Variants in MYO16 observed in about 807,000 individuals in gnomAD.
MYO16 encodes myosin XVI.
MYO16 carries 94 observed loss-of-function variants against 205.3 expected under a neutral mutation model. The observed-to-expected ratio is 0.46, with a 90% CI of 0.39 to 0.54. The LOEUF (loss-of-function observed/expected upper bound fraction) is 0.54. MYO16 is among the 20% of genes least tolerant of loss of function. MYO16 has a pLI of 0.00. For missense variants in MYO16, 2,315 were observed against 2,387.5 expected (o/e 0.97, Z 0.63); for synonymous variants, 988 against 954.0 (o/e 1.04, Z -0.66).
At chr13:108,827,926 C>T (rs530350260) in intron 9 of MYO16, among the ~76,000 whole-genome samples, 6 of 152,198 alleles carry the variant, frequency 3.9e-5, no homozygotes, top group South Asian at 2.1e-4. Context: ...TCATGGAGCC[C>T]GTGAGATAAA....
rs1013422465 is a variant in MYO16, at chr13:109,028,822, G to A, written c.2796+8911G>A. Among the ~76,000 whole-genome samples, 6 of 151,572 alleles carry A rather than the reference G, an allele frequency of 4.0e-5. 1 individual carries two copies. The highest frequency in any genetic ancestry group is 9.7e-5 in the African/African-American group (4 of 41,218). ...GTCACTGATTTCCACAGACCTTTAC[G>A]GGAATCACATCACTAAAACGTTGCT... On this transcript the variant is annotated intron_variant, in intron 23 of 34. Transcript: ENST00000457511.
chr13:108,525,727 A>G, the MYO16 span, among the ~76,000 whole-genome samples: 1 of 152,202 alleles, frequency 6.6e-6, no homozygotes, highest in African/African-American at 2.4e-5. Flanking sequence ...CATGCCAGGT[A>G]GGTGTATGAG....
At chr13:109,074,583 C>G (rs935893440) in intron 27 of MYO16, among the ~76,000 whole-genome samples, 1 of 152,092 alleles carries the variant, frequency 6.6e-6, no homozygotes, top group East Asian at 1.9e-4. Flanking sequence ...CACACTTACA[C>G]CCTTAGATCT....
Position 109,141,116 on chromosome 13 carries a change from C to G in MYO16, c.4904C>G (p.Ala1635Gly). 1 of 1,556,026 alleles carries G rather than the reference C, an allele frequency of 6.4e-7. No individual in the cohort carries two copies. ...GGGAAAGCGGGGCCGAGCGCAGAGG[C>G]GCCCAAGGTTCACCCAAAGCCAAAC... ...NAGKAGPSAE[A>G]PKVHPKPNSA... is the part of the protein sequence containing the mutation. Residue 1635 changes from alanine to glycine, a missense_variant, in exon 32 of 35, where the codon GCG (alanine) becomes GGG (glycine). Physicochemically the swap from Ala to Gly is moderately conservative, Grantham distance 60. Around this residue, in one of 3 missense-constraint regions of MYO16, gnomAD observed 1,097 missense variants for 1,092.0 expected, o/e 1.00. Transcript: ENST00000457511. The surrounding 1 kb of genome is among the most constrained non-coding windows in gnomAD (Gnocchi z 4.1).
intron 7 of MYO16, among the ~76,000 whole-genome samples, chr13:108,809,746 C>G (rs1489964963): frequency 6.6e-6 from 1 of 152,154 alleles, no homozygotes; most frequent in Non-Finnish European, 1.5e-5. Flanking sequence ...GACAAACATC[C>G]AAACTATATC....
intron 2 of MYO16, among the ~76,000 whole-genome samples, chr13:108,681,688 T>A (rs968731162): frequency 2.6e-5 from 4 of 151,470 alleles, no homozygotes; most frequent in African/African-American, 9.7e-5. Flanking sequence ...GGGGTGGGGG[T>A]GGTAAATAAA....
intron 1 of MYO16, among the ~76,000 whole-genome samples, chr13:108,604,343 T>C (rs1878874055): frequency 6.6e-6 from 1 of 152,152 alleles, no homozygotes; most frequent in South Asian, 2.1e-4. Context: ...TAACTAAATC[T>C]GAAACTTCCT....
At chr13:108,756,095 C>T (rs1417230511) in intron 4 of MYO16, among the ~76,000 whole-genome samples, 2 of 152,042 alleles carry the variant, frequency 1.3e-5, no homozygotes, top group Admixed American at 6.5e-5. Context: ...AAGGTGTTTA[C>T]ACATGAAAAT....
chr13:108,538,561 G>A, the MYO16 span, among the ~76,000 whole-genome samples: 1 of 152,000 alleles, frequency 6.6e-6, no homozygotes, highest in Non-Finnish European at 1.5e-5. Context: ...CCAAAGCTTA[G>A]CTCTGAATGG....
chr13:108,595,248 C>T (rs555746736), upstream of MYO16, among the ~76,000 whole-genome samples: 1 of 152,194 alleles, frequency 6.6e-6, no homozygotes, highest in East Asian at 1.9e-4. Flanking sequence ...TGGAAATTCA[C>T]AGTTCATATT....
intron 4 of MYO16, among the ~76,000 whole-genome samples, chr13:108,784,342 T>A (rs1886394933): frequency 6.6e-6 from 1 of 152,182 alleles, no homozygotes; most frequent in Non-Finnish European, 1.5e-5. Flanking sequence ...GTAAAACATC[T>A]GAAATATATG....
chr13:108,525,496 G>A, the MYO16 span, among the ~76,000 whole-genome samples: 262 of 152,216 alleles, frequency 1.7e-3, 1 homozygote, highest in African/African-American at 5.5e-3. Flanking sequence ...ATGACCCTGT[G>A]CATCTGGCCT....
chr13:109,206,792 T>A lies in MYO16; in HGVS notation c.5599T>A (p.Ser1867Thr), dbSNP rs1266602087. The change falls in exon 35 of 35, where the codon TCC becomes ACC. Residue 1867 changes from serine to threonine, a missense_variant. This residue lies in a region of MYO16 where 1,097 missense variants were observed against 1,092.0 expected (regional missense o/e 1.00). Coordinates refer to ENST00000457511, the MANE Select transcript of MYO16 (RefSeq NM_001198950.3). ...CCTTCTGAAGAAGCCGGAAGGGGCC[T>A]CCTGCAACAGGCTGCCGTCTGAGCT... ...PSLLKKPEGA[S>T]CNRLPSELWD... is the part of the protein sequence containing the mutation. 1.2e-6 allele frequency: 2 copies of A among 1,614,070 alleles called. No individual in the cohort carries two copies. The highest frequency in any genetic ancestry group is 1.3e-5 in the African/African-American group (1 of 74,938).
intron 27 of MYO16, among the ~76,000 whole-genome samples, chr13:109,089,595 T>C (rs1888556159): frequency 6.6e-6 from 1 of 152,178 alleles, no homozygotes; most frequent in Non-Finnish European, 1.5e-5. Context: ...ACTAAAACAA[T>C]AGGGAGGAAC....
At chr13:108,838,506 TAA>T (rs770461836) in intron 9 of MYO16, among the ~76,000 whole-genome samples, 5 of 122,656 alleles carry the variant, frequency 4.1e-5, no homozygotes, top group African/African-American at 3.0e-5. Flanking sequence ...TAGTAAAAAT[TAA>T]AAAAAAAAAA....
intron 2 of MYO16, among the ~76,000 whole-genome samples, chr13:108,693,200 A>C (rs1882966482): frequency 6.6e-6 from 1 of 152,230 alleles, no homozygotes; most frequent in Non-Finnish European, 1.5e-5. Context: ...CACCATTGTC[A>C]GGGAATTGTG....
intron 2 of MYO16, among the ~76,000 whole-genome samples, chr13:108,671,485 T>A: frequency 6.6e-6 from 1 of 152,340 alleles, no homozygotes; most frequent in East Asian, 1.9e-4. Flanking sequence ...CCATTACTAA[T>A]GGAAGCAGAA....
upstream of MYO16, among the ~76,000 whole-genome samples, chr13:108,591,833 C>T (rs1878407464): frequency 6.6e-6 from 1 of 152,012 alleles, no homozygotes; most frequent in Non-Finnish European, 1.5e-5. Flanking sequence ...AAGGTCCTGA[C>T]TTTGAGTATA....
intron 6 of MYO16, among the ~76,000 whole-genome samples, chr13:108,798,720 A>G (rs1886874678): frequency 3.8e-5 from 2 of 52,482 alleles, no homozygotes; most frequent in African/African-American, 1.7e-4. Context: ...TTTTTTTGAG[A>G]TGGAGTCTCG....
Sources: gnomAD v4.1 joint callset for allele counts (sites outside exome capture counted in the v4.1 genomes callset) on GRCh38, gnomAD v4.1.1 for gene constraint, gnomAD v4.1.1 regional missense constraint, Gnocchi (gnomAD v3.1) non-coding constraint, MANE v1.5 for transcripts, NCBI Gene and HGNC (gene_info 2026-07-23, HGNC 2026-07-21) for gene names.